The following UNC5D variants were observed in gnomAD, a reference collection of about 807,000 sequenced individuals.
UNC5D encodes unc-5 netrin receptor D.
In UNC5D, 39 loss-of-function variants were observed where a neutral mutation model predicts 105.4. That is an observed-to-expected ratio of 0.37 (90% CI 0.29 to 0.48). UNC5D has a LOEUF of 0.48. UNC5D is among the 20% of genes least tolerant of loss of function. UNC5D has a pLI of 0.98. For synonymous variants in UNC5D, 452 were observed against 450.4 expected (o/e 1.00, Z -0.04); for missense variants, 991 against 1,202.4 (o/e 0.82, Z 2.60).
Position 35,793,979 on chromosome 8 carries a change from C to T in UNC5D, c.*3416C>T, listed in dbSNP as rs1395683675. ...AGTCAAATCACTAAAACAGGGTTCT[C>T]TTTGGATTAAAAGTTCTGGATTTAT... is the stretch of plus-strand genomic sequence containing the variant. On this transcript the variant is annotated 3_prime_UTR_variant, in exon 17 of 17. Coordinates refer to ENST00000404895, the MANE Select transcript of UNC5D (RefSeq NM_080872.4). 6.6e-6 allele frequency: 1 copy of T among 152,098 alleles called. No homozygotes were observed. Among genetic ancestry groups the T allele is most frequent in the Non-Finnish European group, 1.5e-5 (1 of 68,018 alleles). 9.4% of individuals were successfully genotyped at this position (152,098 alleles called of 1,614,324 possible).
At chr8:35,769,835 T>C (rs538544784) in intron 15 of UNC5D, among the ~76,000 whole-genome samples, 11 of 151,994 alleles carry the variant, frequency 7.2e-5, no homozygotes, top group Non-Finnish European at 1.2e-4. Flanking sequence ...TGTTGGCGGG[T>C]GCCTGTAGTC....
intron 7 of UNC5D, among the ~76,000 whole-genome samples, chr8:35,695,003 G>C (rs1273391106): frequency 6.6e-6 from 1 of 152,120 alleles, no homozygotes; most frequent in Non-Finnish European, 1.5e-5. Flanking sequence ...AATATATCTG[G>C]TTAAGATAGT....
intron 1 of UNC5D, among the ~76,000 whole-genome samples, chr8:35,406,370 A>AT (rs1237784810): frequency 6.6e-6 from 1 of 152,196 alleles, no homozygotes; most frequent in East Asian, 1.9e-4. Context: ...CCTGCAAGTT[A>AT]TTTTTTTATG....
intron 1 of UNC5D, among the ~76,000 whole-genome samples, chr8:35,509,500 T>C (rs969972219): frequency 1.0e-5 from 1 of 96,054 alleles, no homozygotes; most frequent in Non-Finnish European, 2.2e-5. Context: ...GAATCTCCTC[T>C]CCTCTCTTCT....
In UNC5D at chr8:35,767,032, A is replaced by G; in HGVS notation, c.2444A>G (p.Glu815Gly). 1 of 1,613,930 alleles carries G rather than the reference A, an allele frequency of 6.2e-7. No individual in the cohort carries two copies. Among genetic ancestry groups the G allele is most frequent in the Non-Finnish European group, 8.5e-7 (1 of 1,179,890 alleles). ...TGCATTCGGCAGCTCAAAGGCCATG[A>G]ACAGATCCTCCAAGTGCAGACATCA... ...KICIRQLKGH[E>G]QILQVQTSIL... The change falls in exon 15 of 17, where the codon GAA becomes GGA. Residue 815 changes from glutamate to glycine, a missense_variant. Physicochemically the swap from Glu to Gly is moderately conservative, Grantham distance 98. Around this residue, in one of 3 missense-constraint regions of UNC5D, gnomAD observed 944 missense variants for 1,131.6 expected, o/e 0.83. Transcript: ENST00000404895.
At chr8:35,420,509 G>A (rs1322239523) in intron 1 of UNC5D, among the ~76,000 whole-genome samples, 3 of 152,104 alleles carry the variant, frequency 2.0e-5, no homozygotes, top group Admixed American at 2.0e-4. Context: ...ATGAAATTCA[G>A]TATAAAGTGC....
At chr8:35,407,629 C>T (rs1345435495) in intron 1 of UNC5D, among the ~76,000 whole-genome samples, 3 of 152,022 alleles carry the variant, frequency 2.0e-5, no homozygotes, top group Non-Finnish European at 4.4e-5. Flanking sequence ...CAGATTATTT[C>T]ATCACCCAGG....
chr8:35,735,410 T>G (rs1171524496), intron 11 of UNC5D, among the ~76,000 whole-genome samples: 1 of 152,230 alleles, frequency 6.6e-6, no homozygotes, highest in African/African-American at 2.4e-5. Flanking sequence ...ATTGGAAATG[T>G]TGTAAGTCAT....
intron 1 of UNC5D, among the ~76,000 whole-genome samples, chr8:35,361,564 G>A (rs953288014): frequency 1.3e-5 from 2 of 152,052 alleles, no homozygotes; most frequent in African/African-American, 2.4e-5. Flanking sequence ...TTTTCGGTGG[G>A]GTATTGACTG....
chr8:35,662,949 G>A (rs1563643638), intron 4 of UNC5D, among the ~76,000 whole-genome samples: 1 of 152,178 alleles, frequency 6.6e-6, no homozygotes, highest in African/African-American at 2.4e-5. Flanking sequence ...CTGCGTATGC[G>A]AGGGATCTAG....
intron 16 of UNC5D, among the ~76,000 whole-genome samples, chr8:35,777,618 T>C (rs544625940): frequency 1.3e-5 from 2 of 152,266 alleles, no homozygotes; most frequent in East Asian, 1.9e-4. Flanking sequence ...ATGGGATCTG[T>C]CACAACTACT....
chr8:35,565,427 G>A (rs1817270309), intron 2 of UNC5D, among the ~76,000 whole-genome samples: 2 of 151,942 alleles, frequency 1.3e-5, no homozygotes, highest in Admixed American at 1.3e-4. Flanking sequence ...TTTTTGGTGG[G>A]ATTATTTGTC....
At chr8:35,250,200 C>A (rs1803598527) in intron 1 of UNC5D, among the ~76,000 whole-genome samples, 1 of 152,030 alleles carries the variant, frequency 6.6e-6, no homozygotes, top group Non-Finnish European at 1.5e-5. Context: ...TCAGCTGATG[C>A]CAAGGCATTG....
chr8:35,381,424 T>G (rs954582080), intron 1 of UNC5D, among the ~76,000 whole-genome samples: 1 of 152,180 alleles, frequency 6.6e-6, no homozygotes, highest in Non-Finnish European at 1.5e-5. Flanking sequence ...TGTTAACAGA[T>G]CCCTTCCAGC....
At chr8:35,624,469 C>T (rs1008935456) in intron 4 of UNC5D, among the ~76,000 whole-genome samples, 1 of 152,152 alleles carries the variant, frequency 6.6e-6, no homozygotes, top group African/African-American at 2.4e-5. Flanking sequence ...GTCCCGTATT[C>T]GTCTTGCACA....
At chr8:35,256,248 G>C (rs778574640) in intron 1 of UNC5D, 1 of 152,162 alleles carries the variant, frequency 6.6e-6, no homozygotes, top group African/African-American at 2.4e-5. Flanking sequence ...AGTCACTGAA[G>C]GAATAATAGA....
chr8:35,500,393 G>A (rs919194233), intron 1 of UNC5D, among the ~76,000 whole-genome samples: 1 of 152,162 alleles, frequency 6.6e-6, no homozygotes, highest in African/African-American at 2.4e-5. Context: ...TGAGGGCAGA[G>A]AGATGTTTTT....
At chr8:35,262,338 C>A (rs949921705) in intron 1 of UNC5D, among the ~76,000 whole-genome samples, 4 of 152,086 alleles carry the variant, frequency 2.6e-5, no homozygotes, top group Admixed American at 2.0e-4. Flanking sequence ...TTATGGTCGG[C>A]CGAATAGATA....
intron 1 of UNC5D, among the ~76,000 whole-genome samples, chr8:35,259,762 T>TA (rs927209297): frequency 9.9e-5 from 15 of 151,402 alleles, no homozygotes; most frequent in African/African-American, 3.6e-4. Flanking sequence ...TTTTTTTTTT[T>TA]AAATGCTGTA....
Sources: allele counts gnomAD v4.1 joint callset (sites outside exome capture counted in the v4.1 genomes callset), GRCh38; gene constraint gnomAD v4.1.1; regional missense constraint gnomAD v4.1.1; transcripts MANE v1.5; gene names NCBI Gene and HGNC (gene_info 2026-07-23, HGNC 2026-07-21).